Variants in CADM2 observed in about 807,000 individuals in gnomAD.
CADM2 encodes the protein cell adhesion molecule 2.
Under a neutral mutation model 49.8 loss-of-function variants are expected in CADM2, and 12 were observed. The observed-to-expected ratio is 0.24, with a 90% CI of 0.15 to 0.39. CADM2 has a LOEUF of 0.39. Ranked by LOEUF, CADM2 falls within the 10% of genes least tolerant of loss-of-function variation. CADM2 has a pLI of 1.00. For synonymous variants in CADM2, 214 were observed against 175.4 expected (o/e 1.22, Z -1.74); for missense variants, 378 against 492.3 (o/e 0.77, Z 2.20).
At chr3:85,151,847 G>C (rs1479705080) in intron 1 of CADM2, among the ~76,000 whole-genome samples, 2 of 152,144 alleles carry the variant, frequency 1.3e-5, no homozygotes, top group Non-Finnish European at 2.9e-5. Flanking sequence ...AGTAAAGGTA[G>C]ATTGACTTGA....
chr3:85,089,756 C>A (rs2107520786), intron 1 of CADM2, among the ~76,000 whole-genome samples: 1 of 151,928 alleles, frequency 6.6e-6, no homozygotes, highest in African/African-American at 2.4e-5. Flanking sequence ...ATTTTTAATC[C>A]CCCCAAAAAA....
At chr3:85,122,501 T>A (rs6783617) in intron 1 of CADM2, among the ~76,000 whole-genome samples, 11,162 of 152,166 alleles carry the variant, frequency 0.073, 1,351 homozygotes, top group African/African-American at 0.25. Flanking sequence ...CCCACAGTTC[T>A]CTCTCAAATC....
chr3:85,150,912 A>AAAATAAAAAT (rs2039900937), intron 1 of CADM2, among the ~76,000 whole-genome samples: 1 of 144,900 alleles, frequency 6.9e-6, no homozygotes, highest in African/African-American at 2.7e-5. Context: ...CTGTTTCAAA[A>AAAATAAAAAT]AAATAAAAAT....
At chr3:85,036,636 A>G (rs936260142) in intron 1 of CADM2, among the ~76,000 whole-genome samples, 6 of 152,180 alleles carry the variant, frequency 3.9e-5, no homozygotes. Flanking sequence ...TTATCCTTCA[A>G]GCTAGAAGTA....
At chr3:85,210,553 C>G (rs2041753212) in intron 1 of CADM2, among the ~76,000 whole-genome samples, 2 of 151,038 alleles carry the variant, frequency 1.3e-5, no homozygotes, top group South Asian at 4.2e-4. Context: ...TTTCTTTTTT[C>G]TTTTTTGAAA....
intron 1 of CADM2, among the ~76,000 whole-genome samples, chr3:85,239,090 T>C (rs1301291239): frequency 6.6e-6 from 1 of 151,792 alleles, no homozygotes; most frequent in East Asian, 1.9e-4. Flanking sequence ...TGCATAGATA[T>C]AAATTAATCA....
intron 1 of CADM2, among the ~76,000 whole-genome samples, chr3:85,640,726 A>G (rs1277460605): frequency 6.6e-6 from 1 of 152,234 alleles, no homozygotes; most frequent in Non-Finnish European, 1.5e-5. Flanking sequence ...AAGTCAGGTT[A>G]AACGTCATTC....
chr3:85,034,722 G>T (rs2035134016), intron 1 of CADM2, among the ~76,000 whole-genome samples: 1 of 149,890 alleles, frequency 6.7e-6, no homozygotes, highest in Middle Eastern at 3.6e-3. Flanking sequence ...CAGTATACAA[G>T]GATTTCCCTT....
At chr3:85,617,897 C>A (rs973512308) in intron 1 of CADM2, among the ~76,000 whole-genome samples, 4 of 152,148 alleles carry the variant, frequency 2.6e-5, no homozygotes, top group Middle Eastern at 3.4e-3. Flanking sequence ...TGCATTAGAA[C>A]GTTACATATT....
At chr3:85,942,064 T>A (rs555883957) in intron 7 of CADM2, among the ~76,000 whole-genome samples, 2 of 152,048 alleles carry the variant, frequency 1.3e-5, no homozygotes, top group Non-Finnish European at 2.9e-5. Flanking sequence ...TACAAACAAG[T>A]TTCCCTTTTG....
At position 85,761,436 on chromosome 3, in the gene CADM2, G is replaced by C. The variant is rs951612241; in HGVS notation, c.88+34888G>C. Reference sequence around the variant, plus strand: ...TCTCCAGGCTGGAGTGCATTCAGTGGCATGATCTCGGCTCGCTGCAACCTG... The same window carrying C: ...TCTCCAGGCTGGAGTGCATTCAGTGCCATGATCTCGGCTCGCTGCAACCTG... On this transcript the variant is annotated intron_variant, in intron 2 of 9. Coordinates refer to ENST00000383699, the MANE Select transcript of CADM2 (RefSeq NM_001167675.2). Among the ~76,000 whole-genome samples the C allele has an allele frequency of 2.1e-5, 3 of 144,280 alleles. No homozygotes were observed. The South Asian group carries it at 6.6e-4, about 32-fold the overall frequency. The allele number at this position is 144,280 out of a possible 152,430, so 94.7% of individuals were successfully genotyped here.
chr3:85,314,577 T>C (rs1334616620), intron 1 of CADM2, among the ~76,000 whole-genome samples: 1 of 152,200 alleles, frequency 6.6e-6, no homozygotes, highest in African/African-American at 2.4e-5. Context: ...GTAAATAATC[T>C]GATAAATGCT....
At chr3:85,292,031 A>G in intron 1 of CADM2, among the ~76,000 whole-genome samples, 1 of 152,054 alleles carries the variant, frequency 6.6e-6, no homozygotes, top group Non-Finnish European at 1.5e-5. Context: ...AGTGTGCTGT[A>G]TTCAGGAAAC....
intron 1 of CADM2, among the ~76,000 whole-genome samples, chr3:85,608,271 T>C (rs893706557): frequency 5.9e-5 from 9 of 152,152 alleles, no homozygotes; most frequent in Non-Finnish European, 1.2e-4. Flanking sequence ...TTTCAACTAA[T>C]ATCACAGACT....
intron 1 of CADM2, among the ~76,000 whole-genome samples, chr3:85,564,798 A>G (rs2062206291): frequency 6.6e-6 from 1 of 152,094 alleles, no homozygotes; most frequent in Non-Finnish European, 1.5e-5. Context: ...TGATTTACCA[A>G]TTCATAAATG....
chr3:85,282,266 G>T (rs867368364), intron 1 of CADM2, among the ~76,000 whole-genome samples: 9,687 of 74,978 alleles, frequency 0.13, 833 homozygotes, highest in African/African-American at 0.34. Context: ...TTTTTTTTTT[G>T]CCTTTTTTTT....
In CADM2 at chr3:85,828,545, G is replaced by C. The variant is rs971196527; in HGVS notation, c.238+26349G>C. 8.6e-5 allele frequency among the ~76,000 whole-genome samples: 13 copies of C among 151,858 alleles called. No individual in the cohort carries two copies. In the East Asian group the frequency reaches 2.5e-3, roughly 30 times the overall value. ...ACAGTTAGCACATCAGAGTTCAAAA[G>C]TCTACTCAGCTAGAAACTTTATACC... On this transcript the variant is annotated intron_variant, in intron 3 of 9. Coordinates refer to ENST00000383699, the MANE Select transcript of CADM2 (RefSeq NM_001167675.2).
At chr3:85,488,316 G>T (rs1014287669) in intron 1 of CADM2, among the ~76,000 whole-genome samples, 12 of 152,184 alleles carry the variant, frequency 7.9e-5, no homozygotes, top group African/African-American at 2.9e-4. Flanking sequence ...GCAAGACAGA[G>T]ATAATGTTTA....
In CADM2 at chr3:85,058,675, C is replaced by G. The variant is rs139395776; in HGVS notation, c.61+99007C>G. On this transcript the variant is annotated intron_variant, in intron 1 of 9. Coordinates refer to ENST00000383699, the MANE Select transcript of CADM2 (RefSeq NM_001167675.2). ...GGTCAGGTTGGTCTCTAACTCCTGA[C>G]CTCAGGTGATCTGCCCACCTCAGCC... 5.1e-3 allele frequency among the ~76,000 whole-genome samples: 771 copies of G among 151,934 alleles called. 6 individuals are homozygous for G. The highest frequency in any genetic ancestry group is 0.018 in the African/African-American group (732 of 41,432).
Sources: gnomAD v4.1 joint callset for allele counts (sites outside exome capture counted in the v4.1 genomes callset) on GRCh38, gnomAD v4.1.1 for gene constraint, MANE v1.5 for transcripts, NCBI Gene and HGNC (gene_info 2026-07-23, HGNC 2026-07-21) for gene names.